Variants in ARFIP1 observed in about 807,000 individuals in gnomAD.
ARFIP1 encodes the protein ARF interacting protein 1, also known as arfaptin-1.
In ARFIP1, 24 loss-of-function variants were observed where a neutral mutation model predicts 42.5. The observed-to-expected ratio is 0.57, with a 90% confidence interval of 0.41 to 0.80. The LOEUF (loss-of-function observed/expected upper bound fraction) is 0.80, where lower values mean the gene tolerates loss of function less well. Ranked by LOEUF, ARFIP1 falls within the 30% of genes least tolerant of loss-of-function variation. The probability of loss-of-function intolerance (pLI) is 0.00; values close to 1 mark genes in which losing one functional copy is unlikely to be tolerated. For missense variants in ARFIP1, 354 were observed against 434.0 expected, an observed-to-expected ratio of 0.82 and a Z score of 1.64; for synonymous variants, 141 against 153.7, an observed-to-expected ratio of 0.92 and a Z score of 0.61.
At chr4:152,904,913 G>A (rs1738179005) in intron 8 of ARFIP1, among the ~76,000 whole-genome samples, 1 of 152,180 alleles carries the variant, frequency 6.6e-6, no homozygotes, top group South Asian at 2.1e-4. Context: ...TATATACCCA[G>A]TAATGGGATT....
intron 7 of ARFIP1, among the ~76,000 whole-genome samples, chr4:152,883,706 A>G (rs1736037652): frequency 6.6e-6 from 1 of 151,196 alleles, no homozygotes; most frequent in African/African-American, 2.4e-5. Context: ...AAATATATTA[A>G]TAAATATTTT....
At chr4:152,902,766 C>G (rs373690494) in intron 8 of ARFIP1, among the ~76,000 whole-genome samples, 2 of 152,230 alleles carry the variant, frequency 1.3e-5, no homozygotes, top group African/African-American at 4.8e-5. Context: ...GTCCTTTCTC[C>G]TAAAAGTGGG....
chr4:152,801,960 A>G (rs73865247), intron 1 of ARFIP1, among the ~76,000 whole-genome samples: 1 of 152,188 alleles, frequency 6.6e-6, no homozygotes, highest in African/African-American at 2.4e-5. Flanking sequence ...CCTTAAGTCC[A>G]TGTCTCTTAA....
chr4:152,859,500 C>T lies in ARFIP1; in HGVS notation c.94-4106C>T, dbSNP rs777349655. ...AGTGATGTTCTTCAGAATACCCAAGCTTGTAGTCTTTTGAGGATTTTCACA... is the reference window on the plus strand; with the variant it reads ...AGTGATGTTCTTCAGAATACCCAAGTTTGTAGTCTTTTGAGGATTTTCACA... On this transcript the variant is annotated intron_variant, in intron 2 of 8. Transcript: ENST00000353617. Among the ~76,000 whole-genome samples the T allele has an allele frequency of 4.6e-5, 7 of 152,146 alleles. 1 individual carries two copies. The highest frequency in any genetic ancestry group is 7.2e-5 in the African/African-American group (3 of 41,442).
chr4:152,852,066 A>C (rs1186769095), intron 2 of ARFIP1, among the ~76,000 whole-genome samples: 1 of 152,154 alleles, frequency 6.6e-6, no homozygotes, highest in Non-Finnish European at 1.5e-5. Flanking sequence ...ACTATTAAAT[A>C]CTCAAGCATT....
intron 8 of ARFIP1, among the ~76,000 whole-genome samples, chr4:152,888,995 A>G (rs1330216842): frequency 6.6e-6 from 1 of 152,166 alleles, no homozygotes; most frequent in African/African-American, 2.4e-5. Flanking sequence ...ATGAGTGAGC[A>G]TGGTACGGAA....
intron 8 of ARFIP1, among the ~76,000 whole-genome samples, chr4:152,899,226 C>G (rs971063247): frequency 6.6e-6 from 1 of 152,100 alleles, no homozygotes; most frequent in African/African-American, 2.4e-5. Context: ...TAATTCTGAA[C>G]TTGAGATCAG....
intron 7 of ARFIP1, chr4:152,883,170 T>TA (rs1735982536): frequency 3.6e-6 from 1 of 277,606 alleles, no homozygotes; most frequent in African/African-American, 2.3e-5. Flanking sequence ...ATTTCCTAAA[T>TA]ACCCATGAAT....
chr4:152,896,809 A>C (rs1042652876), intron 8 of ARFIP1, among the ~76,000 whole-genome samples: 1 of 151,872 alleles, frequency 6.6e-6, no homozygotes, highest in African/African-American at 2.4e-5. Context: ...CTTTTTTTCC[A>C]AAATGAGACT....
rs1738823797 is a variant in ARFIP1 at position 152,911,230 on chromosome 4, GAGCA to G, written c.*1012_*1015del. ...ATGTGTCTATTCCTTCCATGGAATGGAGCACTATGTATGAATGTTGGGTTTCTTT... is the reference window on the plus strand; with the variant it reads ...ATGTGTCTATTCCTTCCATGGAATGGCTATGTATGAATGTTGGGTTTCTTT... On this transcript the variant is annotated 3_prime_UTR_variant, in exon 9 of 9. Coordinates refer to ENST00000353617, the MANE Select transcript of ARFIP1 (RefSeq NM_001025595.3). The G allele has an allele frequency of 6.6e-6, 1 of 152,606 alleles. No individual in the cohort carries two copies. The highest frequency in any genetic ancestry group is 6.5e-5 in the Admixed American group (1 of 15,282). The allele number at this position is 152,606 out of a possible 1,614,324, so 9.5% of individuals were successfully genotyped here.
At chr4:152,895,928 T>C (rs1465781319) in intron 8 of ARFIP1, among the ~76,000 whole-genome samples, 2 of 152,102 alleles carry the variant, frequency 1.3e-5, no homozygotes, top group Non-Finnish European at 2.9e-5. Context: ...CTTACACTCA[T>C]AGAGCTTATA....
chr4:152,900,888 T>C (rs550578127), intron 8 of ARFIP1, among the ~76,000 whole-genome samples: 1 of 152,366 alleles, frequency 6.6e-6, no homozygotes, highest in African/African-American at 2.4e-5. Context: ...AATATTTTTG[T>C]ACATTTAATA....
intron 2 of ARFIP1, among the ~76,000 whole-genome samples, chr4:152,842,389 T>C (rs1229489386): frequency 1.3e-5 from 2 of 152,116 alleles, no homozygotes; most frequent in African/African-American, 4.8e-5. Flanking sequence ...GATGACATTG[T>C]GCCTAGGATC....
chr4:152,865,034 A>G (rs951681827), intron 3 of ARFIP1, among the ~76,000 whole-genome samples: 1 of 151,444 alleles, frequency 6.6e-6, no homozygotes, highest in South Asian at 2.1e-4. Context: ...GTTCAGTTCA[A>G]TTAAGCACAT....
At chr4:152,831,504 T>C (rs1401541796) in intron 2 of ARFIP1, among the ~76,000 whole-genome samples, 1 of 152,218 alleles carries the variant, frequency 6.6e-6, no homozygotes, top group Non-Finnish European at 1.5e-5. Flanking sequence ...ATGTTAAGTG[T>C]ACCACTCAAG....
At chr4:152,851,651 T>G (rs1295533098) in intron 2 of ARFIP1, among the ~76,000 whole-genome samples, 4 of 152,178 alleles carry the variant, frequency 2.6e-5, no homozygotes, top group Admixed American at 2.0e-4. Flanking sequence ...CTGTCTAGTT[T>G]GAAGAATTGA....
Position 152,802,093 on chromosome 4 carries a change from TACAG to T in ARFIP1, c.-10+21869_-10+21872del, listed in dbSNP as rs555716546. ...TTTTCAAAGGCCATATTTTTACTAA[TACAG>T]AAGGAAATTCCAAAAACTATTTGAA... On this transcript the variant is annotated intron_variant, in intron 1 of 8. Coordinates refer to ENST00000353617, the MANE Select transcript of ARFIP1 (RefSeq NM_001025595.3). Among the ~76,000 whole-genome samples, 221 of 152,224 alleles carry T rather than the reference TACAG, an allele frequency of 1.5e-3. 1 individual carries two copies. The highest frequency in any genetic ancestry group is 5.1e-3 in the African/African-American group (213 of 41,484).
chr4:152,838,711 T>C (rs569893671), intron 2 of ARFIP1, among the ~76,000 whole-genome samples: 1 of 152,232 alleles, frequency 6.6e-6, no homozygotes, highest in African/African-American at 2.4e-5. Flanking sequence ...AGGTAAACAA[T>C]CATATCATCA....
chr4:152,904,198 A>ATATATATTT (rs36085096), intron 8 of ARFIP1, among the ~76,000 whole-genome samples: 13 of 126,686 alleles, frequency 1.0e-4, no homozygotes, highest in Admixed American at 4.0e-4. Context: ...ATATATATAT[A>ATATATATTT]TTTTTTTTTT....
Sources: gnomAD v4.1 joint callset for allele counts (sites outside exome capture counted in the v4.1 genomes callset) on GRCh38, gnomAD v4.1.1 for gene constraint, MANE v1.5 for transcripts, NCBI Gene and HGNC (gene_info 2026-07-23, HGNC 2026-07-21) for gene names.